AFG2B: variants seen among roughly 807,000 people sequenced by gnomAD.
AFG2B encodes the protein ATPase family gene 2 protein homolog B.
chr15:45,416,287 C>G, the AFG2B span, among the ~76,000 whole-genome samples: 16 of 152,066 alleles, frequency 1.1e-4, no homozygotes, highest in Non-Finnish European at 2.1e-4. Flanking sequence ...GAATGAAAAA[C>G]AAAGGAGATT....
chr15:45,409,854 G>A, the AFG2B span, among the ~76,000 whole-genome samples: 1 of 152,138 alleles, frequency 6.6e-6, no homozygotes, highest in Non-Finnish European at 1.5e-5. Context: ...GTAACAGAGT[G>A]AGACCCTGTC....
the AFG2B span, chr15:45,418,798 A>G: frequency 7.4e-7 from 1 of 1,356,456 alleles, no homozygotes; most frequent in African/African-American, 1.5e-5. Context: ...TGTGAAACAG[A>G]CAGATGTGGC....
At chr15:45,415,636 A>C in the AFG2B span, 3 of 1,614,130 alleles carry the variant, frequency 1.9e-6, no homozygotes, top group Non-Finnish European at 2.5e-6. Flanking sequence ...TTTTTGGATG[A>C]AATTGATTCA....
At chr15:45,415,658 T>C in the AFG2B span, 1 of 1,614,044 alleles carries the variant, frequency 6.2e-7, no homozygotes, top group Non-Finnish European at 8.5e-7. Flanking sequence ...TCTTGGGAGC[T>C]CGCTCAGCCA....
chr15:45,418,781 C>T, the AFG2B span: 4 of 1,455,866 alleles, frequency 2.7e-6, no homozygotes, highest in Non-Finnish European at 3.7e-6. Context: ...TGTGTGGTAC[C>T]ATGTGATGTG....
At chr15:45,417,152 C>T in the AFG2B span, 1 of 1,275,676 alleles carries the variant, frequency 7.8e-7, no homozygotes, top group African/African-American at 1.5e-5. Flanking sequence ...TATAAGCATT[C>T]TGGTCCCAAG....
At chr15:45,410,234 A>G in the AFG2B span, 20 of 850,806 alleles carry the variant, frequency 2.4e-5, no homozygotes, top group Non-Finnish European at 3.3e-5. Flanking sequence ...TCTTTGTACT[A>G]TGTATATAAA....
At chr15:45,413,491 C>A in the AFG2B span, among the ~76,000 whole-genome samples, 1 of 152,188 alleles carries the variant, frequency 6.6e-6, no homozygotes, top group Admixed American at 6.5e-5. Context: ...AATCTGTCTT[C>A]TAAAGGCATA....
At chr15:45,405,651 CTATA>C in the AFG2B span, 4 of 751,830 alleles carry the variant, frequency 5.3e-6, no homozygotes, top group Non-Finnish European at 8.4e-6. Flanking sequence ...CATCTCAACT[CTATA>C]TAAATAGTAT....
At chr15:45,417,177 A>G in the AFG2B span, 4 of 1,474,318 alleles carry the variant, frequency 2.7e-6, no homozygotes, top group Non-Finnish European at 3.7e-6. Context: ...GGATATCCCT[A>G]TTTGAATTTA....
the AFG2B span, chr15:45,402,612 C>G: frequency 1.9e-6 from 3 of 1,576,072 alleles, no homozygotes; most frequent in East Asian, 7.1e-5. Context: ...TCTGCACTGC[C>G]TGGCCTCGGC....
At chr15:45,409,424 G>A in the AFG2B span, among the ~76,000 whole-genome samples, 1 of 151,464 alleles carries the variant, frequency 6.6e-6, no homozygotes, top group South Asian at 2.1e-4. Context: ...GAGAGGTGTG[G>A]AGAGAACACA....
chr15:45,417,601 T>C, the AFG2B span: 1 of 499,294 alleles, frequency 2.0e-6, no homozygotes, highest in Admixed American at 3.5e-5. Context: ...TATATGGTGG[T>C]TATTTTTTGT....
At chr15:45,407,296 G>T in the AFG2B span, 2 of 1,096,036 alleles carry the variant, frequency 1.8e-6, no homozygotes, top group Non-Finnish European at 2.3e-6. Flanking sequence ...TACCAGGGCA[G>T]ATAAGGGATA....
At chr15:45,404,166 T>C in the AFG2B span, among the ~76,000 whole-genome samples, 1 of 152,322 alleles carries the variant, frequency 6.6e-6, no homozygotes, top group Middle Eastern at 3.4e-3. Context: ...GTGACTGATA[T>C]TTCTATTTTG....
At chr15:45,418,266 C>T in the AFG2B span, among the ~76,000 whole-genome samples, 1 of 151,234 alleles carries the variant, frequency 6.6e-6, no homozygotes, top group African/African-American at 2.4e-5. Context: ...ATCACTTGAA[C>T]CCGGGAGGTG....
the AFG2B span, chr15:45,421,081 A>G: frequency 6.2e-7 from 1 of 1,613,466 alleles, no homozygotes; most frequent in Non-Finnish European, 8.5e-7. Flanking sequence ...GACTAGACGC[A>G]ACTACAGTGA....
the AFG2B span, chr15:45,402,677 C>G: frequency 6.3e-7 from 1 of 1,576,334 alleles, no homozygotes. Context: ...AGCCCCGGGG[C>G]GGCGGTCGGG....
At chr15:45,419,988 C>CCG in the AFG2B span, among the ~76,000 whole-genome samples, 1 of 95,664 alleles carries the variant, frequency 1.0e-5, no homozygotes, top group Non-Finnish European at 1.9e-5. Context: ...AGACTCTGTC[C>CCG]CCCCCCCCCA....
Sources: gnomAD v4.1 joint callset for allele counts (sites outside exome capture counted in the v4.1 genomes callset) on GRCh38, gnomAD v4.1.1 for gene constraint, MANE v1.5 for transcripts, NCBI Gene and HGNC (gene_info 2026-07-23, HGNC 2026-07-21) for gene names.